Variants in ZNF804B observed in about 807,000 individuals in gnomAD.
ZNF804B encodes zinc finger protein 804B, also known as zinc finger 804B.
A neutral mutation model predicts 101.4 loss-of-function variants in ZNF804B; 80 were observed. That is an observed-to-expected ratio of 0.79 (90% CI 0.66 to 0.95). The LOEUF is 0.95. Ranked by LOEUF, ZNF804B falls within the 40% of genes least tolerant of loss-of-function variation. The probability of loss-of-function intolerance (pLI) is 0.00; values close to 1 mark genes in which losing one functional copy is unlikely to be tolerated. For missense variants in ZNF804B, 1,673 were observed against 1,561.9 expected (o/e 1.07, Z -1.20); for synonymous variants, 622 against 558.8 (o/e 1.11, Z -1.59).
intron 1 of ZNF804B, among the ~76,000 whole-genome samples, chr7:88,993,656 C>T (rs550848677): frequency 2.4e-3 from 370 of 151,944 alleles, no homozygotes; most frequent in African/African-American, 8.0e-3. Context: ...ATTAAGCATT[C>T]GTTTATTTAA....
chr7:89,220,025 A>ATACGCACATATATGTGTGTATATACG (rs1788969188), intron 2 of ZNF804B, among the ~76,000 whole-genome samples: 1 of 80,766 alleles, frequency 1.2e-5, no homozygotes, highest in Non-Finnish European at 2.6e-5. Flanking sequence ...GTGTATACAT[A>ATACGCACATATATGTGTGTATATACG]TATATACGCA....
At chr7:88,800,291 A>G (rs1473434848) in intron 1 of ZNF804B, among the ~76,000 whole-genome samples, 1 of 152,130 alleles carries the variant, frequency 6.6e-6, no homozygotes, top group Non-Finnish European at 1.5e-5. Context: ...CTCCAAGAAA[A>G]AAAAACAAAC....
At chr7:89,285,369 A>G (rs1332932955) in intron 2 of ZNF804B, among the ~76,000 whole-genome samples, 3 of 151,342 alleles carry the variant, frequency 2.0e-5, no homozygotes, top group African/African-American at 7.3e-5. Context: ...AAAAATACAA[A>G]AAAATTAGCT....
In ZNF804B at chr7:89,334,106, A is replaced by C. The variant is rs1314152028; in HGVS notation, c.1124A>C (p.His375Pro). The C allele has an allele frequency of 1.2e-6, 2 of 1,613,750 alleles. No homozygotes were observed. The highest frequency in any genetic ancestry group is 3.3e-5 in the Admixed American group (2 of 59,896). ...TTCAGCCCACCAAACATTTACAACC[A>C]TAGTGATGCCAGGATATCTGAATGC... ...ASFSPPNIYN[H>P]SDARISECLD... Residue 375 changes from histidine to proline, a missense_variant, in exon 4 of 4, where the codon CAT (histidine) becomes CCT (proline). Transcript: ENST00000333190.
chr7:89,334,803 G>C lies in ZNF804B; in HGVS notation c.1821G>C (p.Arg607Ser). ...AGAACAAACTTAAGGAAGCTTCAAGGGCCCATTGGCAAGGCTGCAGAAAGG... is the reference window on the plus strand; with the variant it reads ...AGAACAAACTTAAGGAAGCTTCAAGCGCCCATTGGCAAGGCTGCAGAAAGG... ...SSENKLKEAS[R>S]AHWQGCRKAV... The change falls in exon 4 of 4, where the codon AGG becomes AGC. Residue 607 changes from arginine to serine, a missense_variant. Arg to Ser is a moderately radical substitution (Grantham distance 110). Coordinates refer to ENST00000333190, the MANE Select transcript of ZNF804B (RefSeq NM_181646.5). 1 of 1,613,756 alleles carries C rather than the reference G, an allele frequency of 6.2e-7. No homozygotes were observed. Among genetic ancestry groups the C allele is most frequent in the African/African-American group, 1.3e-5 (1 of 74,994 alleles).
At chr7:88,970,069 T>C (rs1793509041) in intron 1 of ZNF804B, among the ~76,000 whole-genome samples, 1 of 150,196 alleles carries the variant, frequency 6.7e-6, no homozygotes, top group Non-Finnish European at 1.5e-5. Flanking sequence ...CTCCTTCCTT[T>C]CCTTCCTTTC....
intron 2 of ZNF804B, among the ~76,000 whole-genome samples, chr7:89,273,072 T>G (rs1789923411): frequency 6.6e-6 from 1 of 152,158 alleles, no homozygotes; most frequent in Non-Finnish European, 1.5e-5. Context: ...TTCTCACATA[T>G]AGATAATTAT....
intron 1 of ZNF804B, among the ~76,000 whole-genome samples, chr7:89,189,701 C>T (rs1209497758): frequency 3.3e-5 from 5 of 152,140 alleles, no homozygotes; most frequent in African/African-American, 7.2e-5. Flanking sequence ...CAGCTTCAAG[C>T]GGGGAAGCAG....
chr7:88,856,307 G>A (rs1343535122), intron 1 of ZNF804B, among the ~76,000 whole-genome samples: 6 of 152,020 alleles, frequency 3.9e-5, no homozygotes, highest in Admixed American at 1.3e-4. Flanking sequence ...AGTTCTCCTT[G>A]AAGAGGTCCT....
At chr7:88,850,447 A>G (rs1791435855) in intron 1 of ZNF804B, among the ~76,000 whole-genome samples, 2 of 152,296 alleles carry the variant, frequency 1.3e-5, no homozygotes, top group East Asian at 1.9e-4. Context: ...CAGTGCGTGT[A>G]TATGTGAAAA....
At chr7:88,790,305 G>A (rs1790358564) in intron 1 of ZNF804B, among the ~76,000 whole-genome samples, 1 of 152,072 alleles carries the variant, frequency 6.6e-6, no homozygotes, top group East Asian at 1.9e-4. Context: ...TACAAGTGCA[G>A]GACGTGCAGA....
intron 1 of ZNF804B, among the ~76,000 whole-genome samples, chr7:89,063,943 T>A (rs74390915): frequency 6.6e-6 from 1 of 152,196 alleles, no homozygotes; most frequent in Admixed American, 6.5e-5. Flanking sequence ...TATTGTGTGT[T>A]ACTCTCAATA....
chr7:89,041,868 A>T (rs1789021892), intron 1 of ZNF804B, among the ~76,000 whole-genome samples: 1 of 152,180 alleles, frequency 6.6e-6, no homozygotes, highest in Admixed American at 6.6e-5. Flanking sequence ...AGGTATTTTT[A>T]TCCATAGATA....
chr7:88,805,327 A>C (rs961504864), intron 1 of ZNF804B, among the ~76,000 whole-genome samples: 1 of 152,220 alleles, frequency 6.6e-6, no homozygotes, highest in African/African-American at 2.4e-5. Flanking sequence ...TTTTTATTCC[A>C]TGTAACTAGA....
At chr7:89,253,519 G>A (rs187991535) in intron 2 of ZNF804B, among the ~76,000 whole-genome samples, 40 of 152,096 alleles carry the variant, frequency 2.6e-4, no homozygotes, top group African/African-American at 8.7e-4. Flanking sequence ...TGATTTCACC[G>A]AAACTGATTC....
intron 2 of ZNF804B, among the ~76,000 whole-genome samples, chr7:89,309,404 C>T (rs1405054651): frequency 6.6e-6 from 1 of 152,042 alleles, no homozygotes; most frequent in African/African-American, 2.4e-5. Flanking sequence ...AGAAACTTAT[C>T]TGTATTTTAT....
In ZNF804B at chr7:89,336,518, G is replaced by T; in HGVS notation, c.3536G>T (p.Arg1179Leu). ...AAGCAACTCCTATCAAAGCATCTTC[G>T]AGTTTTGCCTGCTGCAGGGCCTACT... ...MQKQLLSKHL[R>L]VLPAAGPTAF... The change falls in exon 4 of 4, where the codon CGA (arginine) becomes CTA (leucine). Residue 1179 changes from arginine to leucine, a missense_variant. Arg to Leu is a moderately radical substitution (Grantham distance 102). Coordinates refer to ENST00000333190, the MANE Select transcript of ZNF804B (RefSeq NM_181646.5). 1 of 1,614,000 alleles carries T rather than the reference G, an allele frequency of 6.2e-7. No homozygotes were observed. The highest frequency in any genetic ancestry group is 8.5e-7 in the Non-Finnish European group (1 of 1,180,010).
intron 1 of ZNF804B, among the ~76,000 whole-genome samples, chr7:89,117,487 T>G (rs947808861): frequency 6.6e-6 from 1 of 152,232 alleles, no homozygotes; most frequent in Admixed American, 6.5e-5. Context: ...CTTACCATAA[T>G]TGATTAACTC....
intron 1 of ZNF804B, among the ~76,000 whole-genome samples, chr7:88,770,852 G>C (rs1790050764): frequency 6.6e-6 from 1 of 152,114 alleles, no homozygotes; most frequent in Admixed American, 6.5e-5. Context: ...GACATAAAAG[G>C]GACTGAAACA....
Sources: gnomAD v4.1 joint callset for allele counts (sites outside exome capture counted in the v4.1 genomes callset) on GRCh38, gnomAD v4.1.1 for gene constraint, MANE v1.5 for transcripts, NCBI Gene and HGNC (gene_info 2026-07-23, HGNC 2026-07-21) for gene names.